The following DMD variants were observed in gnomAD, a reference collection of about 807,000 sequenced individuals.
The protein encoded by DMD is mutant dystrophin.
DMD carries 63 observed loss-of-function variants against 330.1 expected under a neutral mutation model. That is an observed-to-expected ratio of 0.19 (90% CI 0.16 to 0.24). DMD has a LOEUF of 0.24. Among genes scored for constraint, DMD ranks in the 10% least tolerant of loss-of-function variants. DMD has a pLI of 1.00. For missense variants in DMD, 3,344 were observed against 2,684.1 expected (o/e 1.25, Z -5.43); for synonymous variants, 1,223 against 959.8 (o/e 1.27, Z -5.07).
chrX:31,919,078 G>A (rs1331207738), intron 47 of DMD, among the ~76,000 whole-genome samples: 1 of 111,503 alleles, frequency 9.0e-6, no homozygotes, highest in Non-Finnish European at 1.9e-5. Flanking sequence ...ATGAATAAGG[G>A]CCTATATAGC....
intron 44 of DMD, among the ~76,000 whole-genome samples, chrX:32,078,547 C>T (rs978813347): frequency 8.9e-6 from 1 of 112,397 alleles, no homozygotes; most frequent in Non-Finnish European, 1.9e-5. Context: ...TTGCCTACTT[C>T]TCCAACTCAC....
At chrX:31,263,695 C>T (rs1237969875) in intron 62 of DMD, among the ~76,000 whole-genome samples, 1 of 111,892 alleles carries the variant, frequency 8.9e-6, no homozygotes, top group Non-Finnish European at 1.9e-5. Flanking sequence ...ACACACAAAC[C>T]TTTTATTTCT....
intron 13 of DMD, among the ~76,000 whole-genome samples, chrX:32,586,585 C>A (rs2054316301): frequency 9.1e-6 from 1 of 109,761 alleles, no homozygotes. Flanking sequence ...GTTAAATTTA[C>A]AGGTACGAAT....
chrX:32,542,348 C>T (rs2048565563), intron 17 of DMD, among the ~76,000 whole-genome samples: 1 of 111,756 alleles, frequency 8.9e-6, no homozygotes, highest in Non-Finnish European at 1.9e-5. Flanking sequence ...CAGAGAATTG[C>T]TTGAAACCAG....
At chrX:33,126,111 A>T (rs913732513) in intron 1 of DMD, among the ~76,000 whole-genome samples, 2 of 111,465 alleles carry the variant, frequency 1.8e-5, no homozygotes, top group African/African-American at 6.5e-5. Context: ...TGTCAACAGT[A>T]ATTTTACTGC....
intron 43 of DMD, among the ~76,000 whole-genome samples, chrX:32,264,876 G>A (rs1052603107): frequency 1.8e-5 from 2 of 112,075 alleles, no homozygotes; most frequent in Non-Finnish European, 3.8e-5. Context: ...AAAGCATTCA[G>A]TTTTATGTAT....
chrX:32,213,679 A>T (rs1603628422), intron 44 of DMD, among the ~76,000 whole-genome samples: 1 of 112,145 alleles, frequency 8.9e-6, no homozygotes, highest in East Asian at 2.8e-4. Flanking sequence ...TGGTCTTTTT[A>T]AAATTATCCA....
chrX:32,966,356 C>G (rs1349216760), intron 2 of DMD, among the ~76,000 whole-genome samples: 1 of 111,044 alleles, frequency 9.0e-6, no homozygotes, highest in Non-Finnish European at 1.9e-5. Context: ...AATAATGAGG[C>G]CTAAGATTTG....
intron 7 of DMD, among the ~76,000 whole-genome samples, chrX:32,715,077 G>C (rs371816358): frequency 9.0e-6 from 1 of 111,228 alleles, no homozygotes; most frequent in Non-Finnish European, 1.9e-5. Flanking sequence ...CTACTTTATA[G>C]ACTTTGACCT....
chrX:32,397,882 T>C (rs945680957), intron 30 of DMD, among the ~76,000 whole-genome samples: 2 of 111,229 alleles, frequency 1.8e-5, no homozygotes, highest in African/African-American at 6.5e-5. Context: ...TTGGAGTTTC[T>C]GTGGTGTCAA....
chrX:33,237,987 A>T lies in DMD; in HGVS notation c.7+101272T>A, dbSNP rs1401578902. Among the ~76,000 whole-genome samples the T allele has an allele frequency of 2.7e-5, 3 of 112,446 alleles. No homozygotes were observed. In the East Asian group the frequency reaches 8.4e-4, roughly 31 times the overall value. Reference sequence around the variant, plus strand: ...GGATTCATAGCTTTTGAATTGATTTAAAATTAACCTCCCTGTCACTTCCAA... The same window carrying T: ...GGATTCATAGCTTTTGAATTGATTTTAAATTAACCTCCCTGTCACTTCCAA... On this transcript the variant is annotated intron_variant, in intron 1 of 17. Coordinates refer to the DMD transcript ENST00000288447.
chrX:32,755,966 A>G (rs2071452231), intron 7 of DMD, among the ~76,000 whole-genome samples: 1 of 112,530 alleles, frequency 8.9e-6, no homozygotes, highest in Non-Finnish European at 1.9e-5. Flanking sequence ...TGTGATTGCA[A>G]ATATTAAGGT....
chrX:32,812,105 C>T (rs2077409102), intron 6 of DMD, among the ~76,000 whole-genome samples: 1 of 110,937 alleles, frequency 9.0e-6, no homozygotes, highest in African/African-American at 3.3e-5. Flanking sequence ...TGGTTCTTCA[C>T]CTATTCTGAA....
At chrX:31,680,667 C>T (rs766188273) in intron 52 of DMD, among the ~76,000 whole-genome samples, 3 of 110,946 alleles carry the variant, frequency 2.7e-5, no homozygotes, top group East Asian at 2.8e-4. Flanking sequence ...CGTGAGCCAC[C>T]GCGCCTGGCC....
intron 51 of DMD, among the ~76,000 whole-genome samples, chrX:31,763,430 G>A (rs1252676583): frequency 8.9e-6 from 1 of 111,887 alleles, no homozygotes; most frequent in South Asian, 3.8e-4. Flanking sequence ...GGGTGTGGTG[G>A]TGAGTGCCTG....
chrX:32,551,259 C>A (rs1301725525), intron 16 of DMD, among the ~76,000 whole-genome samples: 2 of 111,315 alleles, frequency 1.8e-5, no homozygotes, highest in Admixed American at 1.9e-4. Flanking sequence ...CAAACCCAAT[C>A]CAGCAGCACA....
At chrX:32,751,047 T>TTTTTCC (rs2070746435) in intron 7 of DMD, among the ~76,000 whole-genome samples, 1 of 111,826 alleles carries the variant, frequency 8.9e-6, no homozygotes, top group Admixed American at 9.5e-5. Context: ...CATTAAACTC[T>TTTTTCC]TTTTCCTGTA....
intron 42 of DMD, among the ~76,000 whole-genome samples, chrX:32,298,514 C>CATATATATAT (rs57786574): frequency 0.017 from 1,821 of 104,467 alleles, 81 homozygotes; most frequent in African/African-American, 0.062. Context: ...ATATAAAAGG[C>CATATATATAT]ATATATATAT....
intron 1 of DMD, among the ~76,000 whole-genome samples, chrX:33,071,630 T>C (rs1327383710): frequency 9.0e-6 from 1 of 110,973 alleles, no homozygotes; most frequent in African/African-American, 3.3e-5. Context: ...ATATATTCAT[T>C]TGAAGCCCAA....
Sources: gnomAD v4.1 joint callset for allele counts (sites outside exome capture counted in the v4.1 genomes callset) on GRCh38, gnomAD v4.1.1 for gene constraint, MANE v1.5 for transcripts, NCBI Gene and HGNC (gene_info 2026-07-23, HGNC 2026-07-21) for gene names.